ZHX2: variants seen among roughly 807,000 people sequenced by gnomAD.
ZHX2 encodes the protein zinc fingers and homeoboxes protein 2.
A neutral mutation model predicts 21.9 loss-of-function variants in ZHX2; 6 were observed. The ratio of observed to expected loss-of-function variants is 0.27; its 90% CI spans 0.15 to 0.54. The LOEUF (loss-of-function observed/expected upper bound fraction) is 0.54. Among genes scored for constraint, ZHX2 ranks in the 20% least tolerant of loss-of-function variants. ZHX2 has a pLI of 0.95. For synonymous variants in ZHX2, 434 were observed against 437.1 expected (o/e 0.99, Z 0.09); for missense variants, 908 against 1,090.7 (o/e 0.83, Z 2.36).
chr8:122,838,573 ATTTT>A (rs34833602), intron 1 of ZHX2, among the ~76,000 whole-genome samples: 3 of 117,888 alleles, frequency 2.5e-5, no homozygotes, highest in African/African-American at 6.6e-5. Flanking sequence ...TAGTAATGTG[ATTTT>A]TTTTTTTTTT....
At chr8:122,937,423 T>C (rs1024963992) in intron 2 of ZHX2, among the ~76,000 whole-genome samples, 2 of 152,172 alleles carry the variant, frequency 1.3e-5, no homozygotes, top group African/African-American at 4.8e-5. Flanking sequence ...CTGAGGTCTA[T>C]GTGAGAACCC....
chr8:122,941,632 G>A (rs1323817861), intron 2 of ZHX2, among the ~76,000 whole-genome samples: 3 of 151,468 alleles, frequency 2.0e-5, no homozygotes, highest in Admixed American at 2.0e-4. Flanking sequence ...GCATGGCAGG[G>A]AGCTTTGGCT....
intron 2 of ZHX2, among the ~76,000 whole-genome samples, chr8:122,901,247 A>G (rs1820222774): frequency 1.3e-5 from 2 of 152,192 alleles, no homozygotes; most frequent in African/African-American, 4.8e-5. Flanking sequence ...AAAAACCACT[A>G]TGCATATGGT....
chr8:122,947,350 C>A (rs372012136), intron 2 of ZHX2, among the ~76,000 whole-genome samples: 1 of 152,066 alleles, frequency 6.6e-6, no homozygotes, highest in African/African-American at 2.4e-5. Flanking sequence ...ATAGAAATGT[C>A]CTTCATTGTA....
intron 2 of ZHX2, among the ~76,000 whole-genome samples, chr8:122,935,082 A>G (rs1480042097): frequency 6.6e-6 from 1 of 151,986 alleles, no homozygotes; most frequent in East Asian, 1.9e-4. Flanking sequence ...CTTTATAAAA[A>G]CTATTATTTG....
intron 2 of ZHX2, among the ~76,000 whole-genome samples, chr8:122,925,787 G>C (rs1045972014): frequency 1.3e-5 from 2 of 152,162 alleles, no homozygotes; most frequent in African/African-American, 2.4e-5. Context: ...CGACATGGAG[G>C]AACTTGGACA....
intron 2 of ZHX2, among the ~76,000 whole-genome samples, chr8:122,907,556 G>A (rs79176063): frequency 3.3e-5 from 5 of 151,968 alleles, no homozygotes; most frequent in Non-Finnish European, 4.4e-5. Flanking sequence ...GATTTGGGGG[G>A]CCCAAAATAT....
intron 1 of ZHX2, among the ~76,000 whole-genome samples, chr8:122,813,196 C>CAAAAAAAAA (rs35396999): frequency 1.0e-5 from 1 of 96,442 alleles, no homozygotes; most frequent in African/African-American, 4.0e-5. Context: ...AACTCTGTCT[C>CAAAAAAAAA]AAAAAAAAAA....
At chr8:122,865,171 C>T (rs1410250362) in intron 2 of ZHX2, among the ~76,000 whole-genome samples, 1 of 151,718 alleles carries the variant, frequency 6.6e-6, no homozygotes, top group Non-Finnish European at 1.5e-5. Context: ...CTCTGTCGCC[C>T]AGGCTGGAGT....
At chr8:122,839,346 GT>G (rs1250056975) in intron 1 of ZHX2, among the ~76,000 whole-genome samples, 1 of 151,996 alleles carries the variant, frequency 6.6e-6, no homozygotes, top group Non-Finnish European at 1.5e-5. Context: ...TCTTCCACTT[GT>G]TTATATTTTT....
chr8:122,871,004 G>T (rs578257582), intron 2 of ZHX2, among the ~76,000 whole-genome samples: 289 of 152,290 alleles, frequency 1.9e-3, no homozygotes, highest in African/African-American at 6.6e-3. Context: ...CTCTGGAAGC[G>T]TTGCATTTGA....
intron 2 of ZHX2, among the ~76,000 whole-genome samples, chr8:122,934,465 A>C: frequency 6.6e-6 from 1 of 152,102 alleles, no homozygotes; most frequent in Non-Finnish European, 1.5e-5. Flanking sequence ...GTTCCTCCCC[A>C]AATCTTGTGG....
intron 2 of ZHX2, among the ~76,000 whole-genome samples, chr8:122,891,885 G>A (rs1018241419): frequency 4.6e-5 from 7 of 152,220 alleles, no homozygotes; most frequent in Non-Finnish European, 8.8e-5. Context: ...TGAAAAGAAA[G>A]TGTATTCTGC....
chr8:122,844,118 A>G (rs2130719983), intron 1 of ZHX2, among the ~76,000 whole-genome samples: 1 of 152,304 alleles, frequency 6.6e-6, no homozygotes, highest in Admixed American at 6.5e-5. Flanking sequence ...ATGCAAGGAC[A>G]AGGAAGCCAG....
intron 1 of ZHX2, among the ~76,000 whole-genome samples, chr8:122,790,077 A>G (rs1817481836): frequency 6.6e-6 from 1 of 152,212 alleles, no homozygotes; most frequent in East Asian, 1.9e-4. Context: ...TGGCACTTTT[A>G]GAATAGGATT....
intron 2 of ZHX2, among the ~76,000 whole-genome samples, chr8:122,888,321 G>A (rs1191241470): frequency 2.6e-5 from 4 of 151,890 alleles, no homozygotes; most frequent in Admixed American, 6.6e-5. Flanking sequence ...GGCACAGAGT[G>A]ATATTTCTAT....
At chr8:122,860,447 G>T (rs1819136111) in intron 1 of ZHX2, among the ~76,000 whole-genome samples, 1 of 152,272 alleles carries the variant, frequency 6.6e-6, no homozygotes, top group African/African-American at 2.4e-5. Flanking sequence ...AAATCACAGA[G>T]ATTTGGGAGA....
chr8:122,861,293 C>T (rs1299491158), intron 1 of ZHX2, among the ~76,000 whole-genome samples: 1 of 152,182 alleles, frequency 6.6e-6, no homozygotes, highest in African/African-American at 2.4e-5. Context: ...GTGCTGGGAA[C>T]ATTTGCCTAA....
intron 2 of ZHX2, among the ~76,000 whole-genome samples, chr8:122,947,871 A>G (rs573819121): frequency 2.6e-5 from 4 of 151,884 alleles, no homozygotes; most frequent in Admixed American, 1.3e-4. Flanking sequence ...ATTGCTGGAG[A>G]TGAACTCTGG....
Sources: gnomAD v4.1 joint callset for allele counts (sites outside exome capture counted in the v4.1 genomes callset) on GRCh38, gnomAD v4.1.1 for gene constraint, MANE v1.5 for transcripts, NCBI Gene and HGNC (gene_info 2026-07-23, HGNC 2026-07-21) for gene names.